NUP205: variants seen among roughly 807,000 people sequenced by gnomAD.
The protein encoded by NUP205 is nucleoporin 205.
A neutral mutation model predicts 253.8 loss-of-function variants in NUP205; 76 were observed. The ratio of observed to expected loss-of-function variants is 0.30; its 90% confidence interval spans 0.25 to 0.36. The LOEUF is 0.36. NUP205 is among the 10% of genes least tolerant of loss of function. The probability of loss-of-function intolerance (pLI) is 1.00; values close to 1 mark genes in which losing one functional copy is unlikely to be tolerated. For synonymous variants in NUP205, 832 were observed against 850.1 expected, an observed-to-expected ratio of 0.98 and a Z score of 0.37; for missense variants, 2,162 against 2,425.5, an observed-to-expected ratio of 0.89 and a Z score of 2.28.
At chr7:135,579,398 TG>T (rs1806245211) in intron 7 of NUP205, among the ~76,000 whole-genome samples, 1 of 152,092 alleles carries the variant, frequency 6.6e-6, no homozygotes, top group Non-Finnish European at 1.5e-5. Flanking sequence ...TTCTCCATGT[TG>T]GTCAGGCTGG....
Position 135,578,807 on chromosome 7 carries a change from T to G in NUP205, c.934T>G (p.Ser312Ala). The G allele has an allele frequency of 6.2e-7, 1 of 1,610,894 alleles. No individual in the cohort carries two copies. Among genetic ancestry groups the G allele is most frequent in the Admixed American group, 1.7e-5 (1 of 58,986 alleles). Residue 312 changes from serine (S) to alanine (A), a missense_variant, in exon 7 of 43, where the codon TCT becomes GCT. By Grantham distance (99) the Ser-to-Ala change is moderately conservative. Coordinates refer to ENST00000285968, the MANE Select transcript of NUP205 (RefSeq NM_015135.3). ...TEKQYIATIH[S>A]RLQDSQLWKL... ...AAAACAGTACATTGCAACAATTCACTCTCGTCTTCAGGACTCACAGCTTTG... is the reference window on the plus strand; with the variant it reads ...AAAACAGTACATTGCAACAATTCACGCTCGTCTTCAGGACTCACAGCTTTG...
chr7:135,624,450 C>T (rs555178240), intron 31 of NUP205, among the ~76,000 whole-genome samples: 2 of 152,266 alleles, frequency 1.3e-5, no homozygotes, highest in African/African-American at 4.8e-5. Flanking sequence ...GATCTCGGCT[C>T]ACTGCAACCT....
intron 11 of NUP205, among the ~76,000 whole-genome samples, chr7:135,592,467 G>A (rs953101393): frequency 6.6e-6 from 1 of 152,196 alleles, no homozygotes; most frequent in Non-Finnish European, 1.5e-5. Flanking sequence ...CCTTTCTTGA[G>A]TAAAAGTTAA....
intron 19 of NUP205, among the ~76,000 whole-genome samples, chr7:135,604,839 G>A (rs1272015644): frequency 6.6e-6 from 1 of 152,198 alleles, no homozygotes; most frequent in Non-Finnish European, 1.5e-5. Flanking sequence ...GTTGTTGTAA[G>A]TTGTCTACTT....
chr7:135,599,352 T>C (rs1793916461), intron 15 of NUP205, among the ~76,000 whole-genome samples: 1 of 152,188 alleles, frequency 6.6e-6, no homozygotes, highest in South Asian at 2.1e-4. Flanking sequence ...TAATTGAAGT[T>C]CTTTTTTTTT....
chr7:135,568,841 C>G (rs1169890986), intron 1 of NUP205, among the ~76,000 whole-genome samples: 8 of 152,116 alleles, frequency 5.3e-5, no homozygotes. Flanking sequence ...TGTTTGTTGC[C>G]CAGATTTTCC....
chr7:135,630,144 T>G (rs545679558), intron 34 of NUP205, among the ~76,000 whole-genome samples, 200 bp from the exon 35 acceptor site: 2 of 152,202 alleles, frequency 1.3e-5, no homozygotes, highest in South Asian at 4.1e-4. Flanking sequence ...CCTGAAGAGA[T>G]AAATATGTGA....
At chr7:135,561,892 CTTCCTTTG>C (rs1485765999) in intron 1 of NUP205, among the ~76,000 whole-genome samples, 2 of 151,484 alleles carry the variant, frequency 1.3e-5, no homozygotes, top group Non-Finnish European at 2.9e-5. Context: ...CATCTCCTTC[CTTCCTTTG>C]TTCCTTCCTT....
At chr7:135,560,971 G>C (rs547703729) in intron 1 of NUP205, among the ~76,000 whole-genome samples, 1 of 152,214 alleles carries the variant, frequency 6.6e-6, no homozygotes, top group Non-Finnish European at 1.5e-5. Context: ...TCTATGTTAT[G>C]TGCTTCCTTT....
At chr7:135,592,090 A>G (rs1296747140) in intron 11 of NUP205, among the ~76,000 whole-genome samples, 2 of 152,224 alleles carry the variant, frequency 1.3e-5, no homozygotes, top group East Asian at 1.9e-4. Context: ...TTATTTTTAC[A>G]TGTGAAGAAA....
intron 10 of NUP205, 51 bp from the exon 11 acceptor site, chr7:135,591,399 C>T (rs762042003): frequency 1.9e-6 from 3 of 1,548,686 alleles, no homozygotes; most frequent in Non-Finnish European, 2.7e-6. Context: ...TCCGTGTTGC[C>T]TTAAAGTTAA....
At chr7:135,599,807 T>G (rs1302863367) in intron 15 of NUP205, among the ~76,000 whole-genome samples, 1 of 152,216 alleles carries the variant, frequency 6.6e-6, no homozygotes, top group Non-Finnish European at 1.5e-5. Context: ...GAAAGTGTTC[T>G]TGAGATCTAA....
At chr7:135,580,801 A>G (rs1806284687) in intron 7 of NUP205, among the ~76,000 whole-genome samples, 1 of 152,014 alleles carries the variant, frequency 6.6e-6, no homozygotes, top group Non-Finnish European at 1.5e-5. Flanking sequence ...ATAGTTATAC[A>G]TAGATAGTTA....
chr7:135,567,144 A>C (rs796080111), intron 1 of NUP205, among the ~76,000 whole-genome samples: 3,705 of 61,140 alleles, frequency 0.061, 604 homozygotes, highest in South Asian at 0.16. Context: ...ATATATATAT[A>C]TATATATATA....
At chr7:135,565,148 C>G (rs983287908) in intron 1 of NUP205, among the ~76,000 whole-genome samples, 2 of 152,088 alleles carry the variant, frequency 1.3e-5, no homozygotes, top group Non-Finnish European at 2.9e-5. Context: ...ATTCACTGAG[C>G]TTATTACACT....
intron 22 of NUP205, 66 bp downstream of exon 22, chr7:135,607,437 A>G (rs1467788088): frequency 3.3e-6 from 5 of 1,533,762 alleles, no homozygotes; most frequent in Non-Finnish European, 3.5e-6. Flanking sequence ...TGAGTACGCC[A>G]CAGATATGAC....
intron 1 of NUP205, among the ~76,000 whole-genome samples, chr7:135,561,533 C>T (rs185780814): frequency 6.6e-6 from 1 of 152,310 alleles, no homozygotes; most frequent in Admixed American, 6.5e-5. Flanking sequence ...GCAGTGACTA[C>T]TTCAGACCTT....
chr7:135,561,900 GTTCCTTCCTTCCTTCCCTCCTTCC>G (rs1048560998), intron 1 of NUP205, among the ~76,000 whole-genome samples: 5 of 140,832 alleles, frequency 3.6e-5, no homozygotes, highest in African/African-American at 7.7e-5. Flanking sequence ...TCCTTCCTTT[GTTCCTTCCTTCCTTCCCTCCTTCC>G]TTCCTTCCTT....
chr7:135,607,684 GT>G (rs1173564425), intron 22 of NUP205, among the ~76,000 whole-genome samples: 2 of 152,188 alleles, frequency 1.3e-5, no homozygotes, highest in Non-Finnish European at 2.9e-5. Flanking sequence ...AAGACCTCTG[GT>G]TCCCATCTCT....
Sources: allele counts gnomAD v4.1 joint callset (sites outside exome capture counted in the v4.1 genomes callset), GRCh38; gene constraint gnomAD v4.1.1; transcripts MANE v1.5; gene names NCBI Gene and HGNC (gene_info 2026-07-23, HGNC 2026-07-21).